ASXL3: variants seen among roughly 807,000 people sequenced by gnomAD.
ASXL3 encodes the protein ASXL transcriptional regulator 3, also known as putative Polycomb group protein ASXL3.
A neutral mutation model predicts 170.6 loss-of-function variants in ASXL3; 34 were observed. The ratio of observed to expected loss-of-function variants is 0.20; its 90% confidence interval spans 0.15 to 0.27. ASXL3 has a LOEUF of 0.27. Ranked by LOEUF, ASXL3 falls within the 10% of genes least tolerant of loss-of-function variation. ASXL3 has a pLI of 1.00. For missense variants in ASXL3, 2,592 were observed against 2,695.3 expected, an observed-to-expected ratio of 0.96 and a Z score of 0.85; for synonymous variants, 1,002 against 989.1, an observed-to-expected ratio of 1.01 and a Z score of -0.24.
At chr18:33,667,730 T>C (rs1488185195) in intron 5 of ASXL3, among the ~76,000 whole-genome samples, 1 of 152,166 alleles carries the variant, frequency 6.6e-6, no homozygotes, top group Non-Finnish European at 1.5e-5. Context: ...ACTTCATCTT[T>C]CTGGCATAAT....
chr18:33,714,735 C>T (rs1382085513), intron 8 of ASXL3, among the ~76,000 whole-genome samples: 1 of 152,022 alleles, frequency 6.6e-6, no homozygotes, highest in African/African-American at 2.4e-5. Flanking sequence ...CCCAACTCTT[C>T]CCCCATTCTC....
intron 8 of ASXL3, among the ~76,000 whole-genome samples, chr18:33,714,995 G>C (rs2067139297): frequency 6.6e-6 from 1 of 152,178 alleles, no homozygotes; most frequent in Admixed American, 6.5e-5. Flanking sequence ...CCCAGTGAGA[G>C]TGAACGAAGG....
intron 8 of ASXL3, among the ~76,000 whole-genome samples, chr18:33,689,415 C>G (rs1402081936): frequency 6.6e-6 from 1 of 152,184 alleles, no homozygotes; most frequent in Non-Finnish European, 1.5e-5. Context: ...CCAAATTTAG[C>G]CAGTTGTCCC....
In ASXL3 at chr18:33,746,714, G is replaced by T; in HGVS notation, c.*119G>T. On this transcript the variant is annotated 3_prime_UTR_variant, in exon 12 of 12. Coordinates refer to ENST00000269197, the MANE Select transcript of ASXL3 (RefSeq NM_030632.3). ...GCTAATTTATTTTGCTTTGGAGCAG[G>T]TACCTTTCCTCTATGGCATTATTTT... 6.9e-7 allele frequency: 1 copy of T among 1,440,130 alleles called. No homozygotes were observed. Among genetic ancestry groups the T allele is most frequent in the Non-Finnish European group, 9.1e-7 (1 of 1,093,586 alleles). The allele number at this position is 1,440,130 out of a possible 1,614,324, so 89.2% of individuals were successfully genotyped here.
chr18:33,702,827 T>C (rs2066897380), intron 8 of ASXL3, among the ~76,000 whole-genome samples: 1 of 152,174 alleles, frequency 6.6e-6, no homozygotes, highest in African/African-American at 2.4e-5. Flanking sequence ...CTAAGTATAC[T>C]ATTTCCTTGA....
intron 2 of ASXL3, among the ~76,000 whole-genome samples, chr18:33,622,297 A>G (rs1322917730): frequency 6.6e-6 from 1 of 152,122 alleles, no homozygotes; most frequent in Non-Finnish European, 1.5e-5. Context: ...TTGATCCCTG[A>G]CCTTCCTATT....
At chr18:33,688,937 C>T (rs1386633742) in intron 8 of ASXL3, among the ~76,000 whole-genome samples, 1 of 152,046 alleles carries the variant, frequency 6.6e-6, no homozygotes, top group African/African-American at 2.4e-5. Flanking sequence ...AAGTTTGCAG[C>T]CAGATGATCC....
intron 8 of ASXL3, among the ~76,000 whole-genome samples, chr18:33,721,631 A>G (rs9967255): frequency 0.018 from 2,710 of 152,208 alleles, 92 homozygotes; most frequent in African/African-American, 0.062. Context: ...CCACATTTCC[A>G]TCTAAGTGCT....
intron 1 of ASXL3, among the ~76,000 whole-genome samples, chr18:33,598,183 A>G (rs1270415891): frequency 6.6e-6 from 1 of 152,180 alleles, no homozygotes; most frequent in Non-Finnish European, 1.5e-5. Context: ...TTATATATCT[A>G]TCTATACTAG....
chr18:33,728,971 G>A (rs938887124), intron 8 of ASXL3, among the ~76,000 whole-genome samples: 8 of 152,098 alleles, frequency 5.3e-5, no homozygotes, highest in Non-Finnish European at 8.8e-5. Flanking sequence ...ATATGCATGA[G>A]TAAACTGAGG....
rs77590562 is a variant in ASXL3, at chr18:33,685,916, G to A, written c.879+2348G>A. Among the ~76,000 whole-genome samples the A allele has an allele frequency of 4.4e-3, 668 of 152,288 alleles. 9 individuals carry two copies. Among genetic ancestry groups the A allele is most frequent in the African/African-American group, 0.015 (628 of 41,546 alleles). Reference sequence around the variant, plus strand: ...CCAAACACCTCCCACTAGGCCCACCGCCAGTATTGGAGGTCACATTTCAAC... The same window carrying A: ...CCAAACACCTCCCACTAGGCCCACCACCAGTATTGGAGGTCACATTTCAAC... On this transcript the variant is annotated intron_variant, in intron 8 of 11. Transcript: ENST00000269197.
At chr18:33,595,276 T>C (rs2065115759) in intron 1 of ASXL3, among the ~76,000 whole-genome samples, 1 of 152,194 alleles carries the variant, frequency 6.6e-6, no homozygotes, top group African/African-American at 2.4e-5. Context: ...CAAGTGCATA[T>C]TTAACAAAGA....
intron 8 of ASXL3, among the ~76,000 whole-genome samples, chr18:33,720,189 A>G (rs993940777): frequency 1.1e-4 from 16 of 151,796 alleles, no homozygotes; most frequent in Non-Finnish European, 2.1e-4. Flanking sequence ...AAGACATTTT[A>G]CCCTTTACCA....
chr18:33,715,110 A>AT lies in ASXL3; in HGVS notation c.880-16854dup, dbSNP rs550064541. On this transcript the variant is annotated intron_variant, in intron 8 of 11. Coordinates refer to ENST00000269197, the MANE Select transcript of ASXL3 (RefSeq NM_030632.3). ...CATGAAGGTCACGTGAGGCCTCTGC[A>AT]TTTTACTTTATAGTTTACTTTATTC... 3.3e-5 allele frequency among the ~76,000 whole-genome samples: 5 copies of AT among 152,086 alleles called. No individual in the cohort carries two copies. In the South Asian group the frequency reaches 1.0e-3, roughly 32 times the overall value.
intron 2 of ASXL3, chr18:33,641,679 T>C (rs957136009): frequency 2.6e-5 from 4 of 152,236 alleles, no homozygotes; most frequent in African/African-American, 7.2e-5. Flanking sequence ...TTTGGTGGGT[T>C]TCCTGTGCAT....
intron 4 of ASXL3, among the ~76,000 whole-genome samples, chr18:33,657,159 A>G (rs2066097145): frequency 6.6e-6 from 1 of 152,126 alleles, no homozygotes; most frequent in Admixed American, 6.6e-5. Context: ...AAGCTGGGAC[A>G]GTCAGAGAAG....
At chr18:33,651,604 C>T (rs1223075449) in intron 4 of ASXL3, among the ~76,000 whole-genome samples, 1 of 151,992 alleles carries the variant, frequency 6.6e-6, no homozygotes, top group African/African-American at 2.4e-5. Context: ...ACCCTTGATG[C>T]GTTGAAAGAA....
chr18:33,580,110 C>A (rs2064979738), intron 1 of ASXL3, among the ~76,000 whole-genome samples: 1 of 152,138 alleles, frequency 6.6e-6, no homozygotes, highest in African/African-American at 2.4e-5. Context: ...TACTTAATCT[C>A]TTAATTTTGT....
chr18:33,738,450 G>C, intron 10 of ASXL3, 37 bp from the exon 11 acceptor site: 2 of 1,541,378 alleles, frequency 1.3e-6, no homozygotes, highest in Non-Finnish European at 1.7e-6. Flanking sequence ...TTTATGTTTT[G>C]TGGTTGAGCA....
Sources: gnomAD v4.1 joint callset for allele counts (sites outside exome capture counted in the v4.1 genomes callset) on GRCh38, gnomAD v4.1.1 for gene constraint, MANE v1.5 for transcripts, NCBI Gene and HGNC (gene_info 2026-07-23, HGNC 2026-07-21) for gene names.